PLEKHA5: variants seen among roughly 807,000 people sequenced by gnomAD.
PLEKHA5 encodes pleckstrin homology domain containing A5, also known as pleckstrin homology domain-containing family A member 5.
PLEKHA5 carries 55 observed loss-of-function variants against 181.9 expected under a neutral mutation model. The ratio of observed to expected loss-of-function variants is 0.30; its 90% CI spans 0.24 to 0.38. The LOEUF is 0.38. PLEKHA5 is among the 10% of genes least tolerant of loss of function. PLEKHA5 has a pLI of 1.00. For missense variants in PLEKHA5, 1,432 were observed against 1,549.5 expected (o/e 0.92, Z 1.27); for synonymous variants, 535 against 529.4 (o/e 1.01, Z -0.15).
intron 3 of PLEKHA5, among the ~76,000 whole-genome samples, chr12:19,132,745 A>C (rs2034310307): frequency 6.8e-6 from 1 of 146,912 alleles, no homozygotes; most frequent in Non-Finnish European, 1.5e-5. Flanking sequence ...GGAATCGTCC[A>C]GCTTCATCAG....
intron 3 of PLEKHA5, among the ~76,000 whole-genome samples, chr12:19,136,848 A>G (rs939032135): frequency 7.2e-5 from 11 of 152,132 alleles, no homozygotes; most frequent in Non-Finnish European, 1.5e-4. Context: ...TTTTGTTTCA[A>G]TATCTGCAAT....
intron 3 of PLEKHA5, among the ~76,000 whole-genome samples, chr12:19,164,850 A>C (rs2043916404): frequency 6.6e-6 from 1 of 152,022 alleles, no homozygotes; most frequent in East Asian, 1.9e-4. Context: ...CCAGCTTCAA[A>C]CCCTTTTTTT....
chr12:19,166,464 C>T (rs889776325), intron 3 of PLEKHA5, among the ~76,000 whole-genome samples: 8 of 151,926 alleles, frequency 5.3e-5, no homozygotes, highest in Non-Finnish European at 1.0e-4. Context: ...GGGTTTTTTG[C>T]GCCCGTACTC....
chr12:19,335,462 G>C (rs1334103965), intron 20 of PLEKHA5, among the ~76,000 whole-genome samples: 11 of 150,094 alleles, frequency 7.3e-5, no homozygotes, highest in Non-Finnish European at 7.4e-5. Flanking sequence ...GTCACCCAGG[G>C]TGGAGTGCAA....
intron 3 of PLEKHA5, among the ~76,000 whole-genome samples, chr12:19,177,300 A>T (rs2047543211): frequency 6.6e-6 from 1 of 152,228 alleles, no homozygotes; most frequent in Non-Finnish European, 1.5e-5. Context: ...ATGATGTGTT[A>T]AAAATACAGT....
intron 3 of PLEKHA5, among the ~76,000 whole-genome samples, chr12:19,165,211 G>T (rs935188918): frequency 2.6e-5 from 4 of 152,134 alleles, no homozygotes; most frequent in Admixed American, 2.0e-4. Context: ...TGGATATATT[G>T]CAGGTCTTCA....
intron 3 of PLEKHA5, among the ~76,000 whole-genome samples, chr12:19,139,607 T>G (rs1452972694): frequency 6.6e-6 from 1 of 152,200 alleles, no homozygotes; most frequent in Non-Finnish European, 1.5e-5. Flanking sequence ...AACTTTATAG[T>G]TGAATTAGTG....
Position 19,129,772 on chromosome 12 carries a change from A to AGGCGGC in PLEKHA5, c.-18_-13dup, listed in dbSNP as rs746584375. Reference sequence around the variant, plus strand: ...CGGCAGCCGCGGCGGCAGCAGGAGAAGGCGGCGGCGGCGGCTAGGGATCAG... The same window carrying AGGCGGC: ...CGGCAGCCGCGGCGGCAGCAGGAGAAGGCGGCGGCGGCGGCGGCGGCTAGGGATCAG... On this transcript the variant is annotated 5_prime_UTR_variant, in exon 1 of 32. Transcript: ENST00000429027. 2.0e-6 allele frequency: 3 copies of AGGCGGC among 1,528,144 alleles called. No homozygotes were observed. The highest frequency in any genetic ancestry group is 2.3e-5 in the South Asian group (2 of 86,636). 94.7% of individuals were successfully genotyped at this position (1,528,144 alleles called of 1,614,324 possible).
chr12:19,340,579 TG>T (rs2093820210), intron 21 of PLEKHA5, among the ~76,000 whole-genome samples: 1 of 148,398 alleles, frequency 6.7e-6, no homozygotes, highest in Non-Finnish European at 1.5e-5. Context: ...GAGGTAGACA[TG>T]GGAGACTTTT....
chr12:19,309,874 C>A (rs535216055), intron 15 of PLEKHA5, among the ~76,000 whole-genome samples: 2 of 152,142 alleles, frequency 1.3e-5, no homozygotes, highest in African/African-American at 4.8e-5. Flanking sequence ...TTCTTTGTTA[C>A]AGACATTTCA....
rs71539463 is a variant in PLEKHA5 at position 19,320,428 on chromosome 12, A to G, written c.2155-134A>G. The G allele has an allele frequency of 2.3e-3, 1,178 of 502,986 alleles. 4 individuals are homozygous for G. Among genetic ancestry groups the G allele is most frequent in the African/African-American group, 0.02 (1,024 of 49,990 alleles). The allele number at this position is 502,986 out of a possible 1,614,324, so 31.2% of individuals were successfully genotyped here. ...TGATCAGTGTTTGAATTAAACTTCT[A>G]AAAGTGTAAGAATCATTAAAATCTA... On this transcript the variant is annotated intron_variant, in intron 17 of 31. Coordinates refer to ENST00000429027, the MANE Select transcript of PLEKHA5 (RefSeq NM_001256470.2).
intron 20 of PLEKHA5, among the ~76,000 whole-genome samples, chr12:19,324,899 A>G (rs2091738351): frequency 1.3e-5 from 2 of 152,212 alleles, no homozygotes; most frequent in African/African-American, 4.8e-5. Context: ...CTTGAGTCAA[A>G]TCAAAATGGT....
Position 19,147,586 on chromosome 12 carries a change from T to A in PLEKHA5, c.227+15136T>A, listed in dbSNP as rs532949378. 8.5e-5 allele frequency among the ~76,000 whole-genome samples: 8 copies of A among 93,992 alleles called. No individual in the cohort carries two copies. In the South Asian group the frequency reaches 3.2e-3, roughly 37 times the overall value. The allele number at this position is 93,992 out of a possible 152,430, so 61.7% of individuals were successfully genotyped here. A position where few individuals can be genotyped will look rare whatever the true frequency, so the allele number is the denominator to read the frequency against. ...GCTGTTTGAAAAAGATATTTTGTAG[T>A]TTCTTTTTTCTTTTTTTTTTTTTTT... is the stretch of plus-strand genomic sequence containing the variant. On this transcript the variant is annotated intron_variant, in intron 3 of 31. Coordinates refer to ENST00000429027, the MANE Select transcript of PLEKHA5 (RefSeq NM_001256470.2).
intron 31 of PLEKHA5, chr12:19,371,948 TC>T (rs1408159142): frequency 1.6e-4 from 25 of 152,256 alleles, no homozygotes; most frequent in African/African-American, 5.8e-4. Flanking sequence ...AGTGTTTTCT[TC>T]TCACCACATC....
At chr12:19,161,503 C>T (rs1447421610) in intron 3 of PLEKHA5, among the ~76,000 whole-genome samples, 1 of 152,142 alleles carries the variant, frequency 6.6e-6, no homozygotes, top group Non-Finnish European at 1.5e-5. Context: ...CACCCCTCTC[C>T]CACCCCATCT....
chr12:19,246,612 A>G (rs2063809937), intron 3 of PLEKHA5, among the ~76,000 whole-genome samples: 1 of 139,542 alleles, frequency 7.2e-6, no homozygotes, highest in Non-Finnish European at 1.6e-5. Flanking sequence ...ACAGAGCAAG[A>G]CCAAAAAAAA....
intron 10 of PLEKHA5, among the ~76,000 whole-genome samples, chr12:19,272,709 C>G (rs372569096): frequency 2.0e-5 from 3 of 152,118 alleles, no homozygotes; most frequent in South Asian, 2.1e-4. Context: ...TGCACTCCCC[C>G]CTGGGTTATA....
At chr12:19,210,359 G>A (rs1388988974) in intron 3 of PLEKHA5, among the ~76,000 whole-genome samples, 1 of 152,190 alleles carries the variant, frequency 6.6e-6, no homozygotes, top group Non-Finnish European at 1.5e-5. Context: ...AACAAAGACT[G>A]TAAATCCAGA....
At chr12:19,326,148 A>G (rs1225269638) in intron 20 of PLEKHA5, among the ~76,000 whole-genome samples, 2 of 152,162 alleles carry the variant, frequency 1.3e-5, no homozygotes, top group African/African-American at 4.8e-5. Context: ...TTCAACAATA[A>G]TCAGTGGTTA....
Sources: allele counts gnomAD v4.1 joint callset (sites outside exome capture counted in the v4.1 genomes callset), GRCh38; gene constraint gnomAD v4.1.1; transcripts MANE v1.5; gene names NCBI Gene and HGNC (gene_info 2026-07-23, HGNC 2026-07-21).